RBFOX3: variants seen among roughly 807,000 people sequenced by gnomAD.
RBFOX3 encodes RNA binding protein fox-1 homolog 3.
In RBFOX3, 17 loss-of-function variants were observed where a neutral mutation model predicts 48.7. The ratio of observed to expected loss-of-function variants is 0.35; its 90% CI spans 0.24 to 0.52. The LOEUF is 0.52. RBFOX3 is among the 20% of genes least tolerant of loss of function. The pLI is 0.94. For missense variants in RBFOX3, 382 were observed against 497.5 expected (o/e 0.77, Z 2.21); for synonymous variants, 212 against 209.5 (o/e 1.01, Z -0.10).
chr17:79,631,106 C>T, the RBFOX3 span, among the ~76,000 whole-genome samples: 1 of 152,150 alleles, frequency 6.6e-6, no homozygotes, highest in Non-Finnish European at 1.5e-5. Flanking sequence ...TAAATCTGGA[C>T]GTCCATCCTG....
At chr17:79,129,950 G>A (rs1450099806) in intron 4 of RBFOX3, among the ~76,000 whole-genome samples, 1 of 152,148 alleles carries the variant, frequency 6.6e-6, no homozygotes, top group Non-Finnish European at 1.5e-5. Context: ...GCCCAGGAAT[G>A]GGGGCTGGTG....
intron 2 of RBFOX3, among the ~76,000 whole-genome samples, chr17:79,433,658 C>T (rs1432980321): frequency 6.6e-6 from 1 of 152,180 alleles, no homozygotes; most frequent in Non-Finnish European, 1.5e-5. Flanking sequence ...TGGCTCACAG[C>T]TTGAAGCAGC....
chr17:79,113,940 C>T (rs539027126), intron 5 of RBFOX3, among the ~76,000 whole-genome samples: 7 of 152,276 alleles, frequency 4.6e-5, no homozygotes, highest in Middle Eastern at 3.4e-3. Flanking sequence ...CATCTGGCCT[C>T]GGTTCTGTTG....
chr17:79,531,235 G>T (rs1346397412), intron 1 of RBFOX3, among the ~76,000 whole-genome samples: 1 of 152,162 alleles, frequency 6.6e-6, no homozygotes, highest in African/African-American at 2.4e-5. Flanking sequence ...ATGGGGGTGG[G>T]GTCTCCTGCT....
chr17:79,619,352 A>C, the RBFOX3 span, among the ~76,000 whole-genome samples: 1 of 152,184 alleles, frequency 6.6e-6, no homozygotes, highest in African/African-American at 2.4e-5. Flanking sequence ...TCAAGGTGTC[A>C]GTGGGGCCAG....
At chr17:79,376,120 T>C (rs879647711) in intron 2 of RBFOX3, among the ~76,000 whole-genome samples, 6 of 152,166 alleles carry the variant, frequency 3.9e-5, no homozygotes, top group Non-Finnish European at 7.3e-5. Context: ...CCAGGCAGCA[T>C]GGTGGCCCTG....
intron 1 of RBFOX3, among the ~76,000 whole-genome samples, chr17:79,577,610 C>T (rs1376641434): frequency 6.6e-6 from 1 of 152,238 alleles, no homozygotes; most frequent in Non-Finnish European, 1.5e-5. Flanking sequence ...TCTGCAAGTA[C>T]AGTCAAAGGT....
chr17:79,351,468 T>G (rs1332052517), intron 2 of RBFOX3, among the ~76,000 whole-genome samples: 2 of 152,222 alleles, frequency 1.3e-5, no homozygotes, highest in East Asian at 3.8e-4. Context: ...TGGAGTGCAG[T>G]GGCTCACTGC....
intron 3 of RBFOX3, among the ~76,000 whole-genome samples, chr17:79,246,282 C>T (rs2063159562): frequency 6.6e-6 from 1 of 152,228 alleles, no homozygotes; most frequent in Admixed American, 6.5e-5. Context: ...CCTTCCCTCC[C>T]TGCCTTGCAG....
chr17:79,506,771 G>A (rs1227597124), intron 1 of RBFOX3, among the ~76,000 whole-genome samples: 5 of 152,206 alleles, frequency 3.3e-5, no homozygotes, highest in African/African-American at 4.8e-5. Context: ...GAGGAGAAAC[G>A]AATCAGGATG....
chr17:79,649,641 G>A, the RBFOX3 span, among the ~76,000 whole-genome samples: 2 of 152,224 alleles, frequency 1.3e-5, no homozygotes, highest in Non-Finnish European at 2.9e-5. Context: ...GGGAGGCGGA[G>A]GTTGCAGTGG....
At chr17:79,107,423 T>A (rs753281249) in intron 5 of RBFOX3, among the ~76,000 whole-genome samples, 1 of 152,216 alleles carries the variant, frequency 6.6e-6, no homozygotes, top group Non-Finnish European at 1.5e-5. Flanking sequence ...GGTGGGCAGA[T>A]GGGCTCCCAA....
intron 3 of RBFOX3, among the ~76,000 whole-genome samples, chr17:79,287,858 C>T (rs373386391): frequency 6.3e-4 from 96 of 152,324 alleles, no homozygotes; most frequent in African/African-American, 2.2e-3. Flanking sequence ...GCTCATGGGA[C>T]GTGTGCTCTG....
chr17:79,129,448 GGGT>G (rs1189131343), intron 4 of RBFOX3, among the ~76,000 whole-genome samples: 1 of 104,212 alleles, frequency 9.6e-6, no homozygotes, highest in East Asian at 2.1e-4. Flanking sequence ...GAGGAAGGAG[GGGT>G]GGGCAGCAGG....
intron 1 of RBFOX3, among the ~76,000 whole-genome samples, chr17:79,540,750 C>G (rs555106914): frequency 2.0e-5 from 3 of 152,356 alleles, no homozygotes; most frequent in South Asian, 2.1e-4. Flanking sequence ...AGCTTCAGTG[C>G]CCCCATCTGT....
At chr17:79,315,181 G>A (rs1173526697) in intron 2 of RBFOX3, among the ~76,000 whole-genome samples, 1 of 152,158 alleles carries the variant, frequency 6.6e-6, no homozygotes, top group Non-Finnish European at 1.5e-5. Flanking sequence ...CAAGTAAATG[G>A]ATGACGTACA....
At chr17:79,255,736 G>T (rs1044342164) in intron 3 of RBFOX3, among the ~76,000 whole-genome samples, 1 of 152,070 alleles carries the variant, frequency 6.6e-6, no homozygotes, top group African/African-American at 2.4e-5. Flanking sequence ...GGGGGCACCT[G>T]CAGCTCAGGG....
intron 2 of RBFOX3, among the ~76,000 whole-genome samples, chr17:79,340,169 C>A (rs2081837099): frequency 6.6e-6 from 1 of 151,996 alleles, no homozygotes; most frequent in African/African-American, 2.4e-5. Flanking sequence ...TGTGGTGGTG[C>A]ACGCCTGTAA....
rs115524006 is a variant in RBFOX3 at position 79,255,803 on chromosome 17, C to T, written c.-73-19998G>A. On this transcript the variant is annotated intron_variant, in intron 3 of 14. Transcript: ENST00000693108. ...CTGCAATTCCCCTTCCTAGAGGGGC[C>T]GCAGATAGGAAGACCCTCCTGTACA... is the stretch of plus-strand genomic sequence containing the variant. Among the ~76,000 whole-genome samples, 429 of 151,790 alleles carry T rather than the reference C, an allele frequency of 2.8e-3. 1 individual carries two copies. Among genetic ancestry groups the T allele is most frequent in the African/African-American group, 9.5e-3 (394 of 41,382 alleles).
Sources: gnomAD v4.1 joint callset for allele counts (sites outside exome capture counted in the v4.1 genomes callset) on GRCh38, gnomAD v4.1.1 for gene constraint, MANE v1.5 for transcripts, NCBI Gene and HGNC (gene_info 2026-07-23, HGNC 2026-07-21) for gene names.